The following DIAPH2 variants were observed in gnomAD, a reference collection of about 807,000 sequenced individuals.
DIAPH2 encodes the protein diaphanous related formin 2.
DIAPH2 carries 35 observed loss-of-function variants against 92.7 expected under a neutral mutation model. The observed-to-expected ratio is 0.38, with a 90% CI of 0.29 to 0.50. The LOEUF is 0.50. Ranked by LOEUF, DIAPH2 falls within the 20% of genes least tolerant of loss-of-function variation. The probability of loss-of-function intolerance (pLI) is 0.94; values close to 1 mark genes in which losing one functional copy is unlikely to be tolerated. For missense variants in DIAPH2, 701 were observed against 819.5 expected, an observed-to-expected ratio of 0.86 and a Z score of 1.77; for synonymous variants, 301 against 280.4, an observed-to-expected ratio of 1.07 and a Z score of -0.73.
chrX:97,230,022 A>T (rs1442503469), intron 22 of DIAPH2, among the ~76,000 whole-genome samples: 1 of 109,565 alleles, frequency 9.1e-6, no homozygotes, highest in Non-Finnish European at 1.9e-5. Context: ...GAATGCTTCC[A>T]TCTGAATGGT....
chrX:96,812,816 T>C (rs1197977617), intron 4 of DIAPH2, among the ~76,000 whole-genome samples: 2 of 111,819 alleles, frequency 1.8e-5, no homozygotes, highest in Non-Finnish European at 3.8e-5. Flanking sequence ...TCAGTTTCCA[T>C]GTAGTTGTGT....
chrX:97,565,597 T>C (rs2071321284), intron 26 of DIAPH2, among the ~76,000 whole-genome samples: 1 of 112,455 alleles, frequency 8.9e-6, no homozygotes, highest in Non-Finnish European at 1.9e-5. Context: ...ACAGATATAT[T>C]CAAATTGTAG....
intron 26 of DIAPH2, chrX:97,449,610 T>G (rs1422013919): frequency 1.5e-6 from 1 of 683,244 alleles, no homozygotes; most frequent in African/African-American, 2.4e-5. Flanking sequence ...GAAGGTAGTA[T>G]TTTCAATTGG....
chrX:96,813,649 C>A (rs1417728097), intron 4 of DIAPH2, among the ~76,000 whole-genome samples: 1 of 111,787 alleles, frequency 8.9e-6, no homozygotes, highest in African/African-American at 3.3e-5. Flanking sequence ...CATGTTTTTG[C>A]AGTGGCTGGT....
chrX:97,499,729 A>T (rs768492376), intron 26 of DIAPH2, among the ~76,000 whole-genome samples: 1 of 112,637 alleles, frequency 8.9e-6, no homozygotes, highest in African/African-American at 3.2e-5. Context: ...TGGATAAAGA[A>T]AATATGGTAT....
At chrX:97,136,789 T>C (rs1291667978) in intron 21 of DIAPH2, among the ~76,000 whole-genome samples, 1 of 110,855 alleles carries the variant, frequency 9.0e-6, no homozygotes, top group East Asian at 2.9e-4. Context: ...ATTTTTCCCT[T>C]TCCCTCATCT....
intron 21 of DIAPH2, among the ~76,000 whole-genome samples, chrX:97,120,145 C>CCCT (rs1469124008): frequency 1.8e-5 from 2 of 111,153 alleles, no homozygotes; most frequent in Non-Finnish European, 3.8e-5. Context: ...CCTCTGGCTG[C>CCCT]CCTCCGGAAG....
At chrX:97,384,485 C>A (rs1475653219) in intron 25 of DIAPH2, among the ~76,000 whole-genome samples, 1 of 111,880 alleles carries the variant, frequency 8.9e-6, no homozygotes, top group Non-Finnish European at 1.9e-5. Flanking sequence ...ATTGACAGCA[C>A]TATTACAAGT....
chrX:97,379,779 ATGGTGGTGG>A (rs1312419022), intron 24 of DIAPH2, among the ~76,000 whole-genome samples: 1 of 111,569 alleles, frequency 9.0e-6, no homozygotes. Context: ...GTTTGCTGTA[ATGGTGGTGG>A]TGGTGGTAGT....
chrX:97,437,909 T>C (rs2070204917), intron 26 of DIAPH2, among the ~76,000 whole-genome samples: 1 of 109,068 alleles, frequency 9.2e-6, no homozygotes, highest in African/African-American at 3.3e-5. Flanking sequence ...TTGAGGATGG[T>C]ACATTTGGGA....
intron 24 of DIAPH2, among the ~76,000 whole-genome samples, chrX:97,353,941 A>G (rs770327118): frequency 2.8e-4 from 31 of 110,444 alleles, no homozygotes; most frequent in Admixed American, 2.7e-3. Context: ...CAGCCTCCTA[A>G]GTAACTAGGA....
chrX:97,577,877 T>C (rs1255864037), intron 26 of DIAPH2, among the ~76,000 whole-genome samples: 1 of 111,966 alleles, frequency 8.9e-6, no homozygotes, highest in East Asian at 2.8e-4. Flanking sequence ...AGCTACATCC[T>C]TTAGTGTGAA....
chrX:97,463,549 C>T (rs1235832087), intron 26 of DIAPH2, among the ~76,000 whole-genome samples: 1 of 109,721 alleles, frequency 9.1e-6, no homozygotes, highest in African/African-American at 3.3e-5. Context: ...CACTACCACA[C>T]CTGGCTAATT....
intron 1 of DIAPH2, among the ~76,000 whole-genome samples, chrX:96,687,887 C>A (rs2063779746): frequency 9.0e-6 from 1 of 111,480 alleles, no homozygotes; most frequent in South Asian, 3.7e-4. Flanking sequence ...TTGGACTCAT[C>A]ACATTTTGAA....
At chrX:97,180,797 C>T (rs999673347) in intron 22 of DIAPH2, among the ~76,000 whole-genome samples, 2 of 111,110 alleles carry the variant, frequency 1.8e-5, no homozygotes, top group Non-Finnish European at 3.8e-5. Flanking sequence ...TCAGGTTTGT[C>T]GAAGATCATA....
chrX:97,463,915 C>T (rs1005490743), intron 26 of DIAPH2, among the ~76,000 whole-genome samples: 4 of 110,856 alleles, frequency 3.6e-5, no homozygotes, highest in African/African-American at 1.3e-4. Flanking sequence ...GGGCATTCAG[C>T]CATTCCATGA....
chrX:96,939,288 C>T lies in DIAPH2; in HGVS notation c.1231C>T (p.Leu411Phe), dbSNP rs371580916. 1 of 1,090,346 alleles carries T rather than the reference C, an allele frequency of 9.2e-7. No homozygotes were observed. The highest frequency in any genetic ancestry group is 1.9e-5 in the African/African-American group (1 of 53,440). The allele number at this position is 1,090,346 out of a possible 1,213,427, so 89.9% of individuals were successfully genotyped here. ...TACTGATATGAATGAAGTCTACCAT[C>T]TTCTATATAATATGCTGAAGGACAC... Reference protein sequence around the residue: ...EMDDMNEVYHLLYNMLKDTAA... With the variant: ...EMDDMNEVYHFLYNMLKDTAA... Residue 411 changes from leucine to phenylalanine, a missense_variant, in exon 12 of 27, where the codon CTT (leucine) becomes TTT (phenylalanine). Leu to Phe is a conservative substitution (Grantham distance 22). Around this residue, in one of 3 missense-constraint regions of DIAPH2, gnomAD observed 536 missense variants for 599.3 expected, o/e 0.89. Transcript: ENST00000324765.
chrX:97,537,407 TA>T, intron 26 of DIAPH2, among the ~76,000 whole-genome samples: 1 of 111,965 alleles, frequency 8.9e-6, no homozygotes. Flanking sequence ...AGAAACCACT[TA>T]AGTGATGCTA....
intron 23 of DIAPH2, among the ~76,000 whole-genome samples, chrX:97,321,674 C>G (rs997056245): frequency 9.3e-6 from 1 of 107,555 alleles, no homozygotes; most frequent in Admixed American, 1.0e-4. Context: ...CTCAGCCTCC[C>G]GAGTAGCTGG....
Sources: allele counts gnomAD v4.1 joint callset (sites outside exome capture counted in the v4.1 genomes callset), GRCh38; gene constraint gnomAD v4.1.1; regional missense constraint gnomAD v4.1.1; transcripts MANE v1.5; gene names NCBI Gene and HGNC (gene_info 2026-07-23, HGNC 2026-07-21).